Variants in ELP6 observed in about 807,000 individuals in gnomAD.
ELP6 encodes the protein elongator acetyltransferase complex subunit 6, also known as elongator complex protein 6.
In ELP6, 23 loss-of-function variants were observed where a neutral mutation model predicts 28.1. The ratio of observed to expected loss-of-function variants is 0.82; its 90% CI spans 0.59 to 1.16. The LOEUF (loss-of-function observed/expected upper bound fraction) is 1.16. Among genes scored for constraint, ELP6 ranks in the 50% most tolerant of loss-of-function variants. The pLI, the probability that ELP6 is intolerant of heterozygous loss-of-function variation, is 0.00. For synonymous variants in ELP6, 132 were observed against 135.8 expected, an observed-to-expected ratio of 0.97 and a Z score of 0.19; for missense variants, 313 against 334.6, an observed-to-expected ratio of 0.94 and a Z score of 0.50.
intron 3 of ELP6, among the ~76,000 whole-genome samples, chr3:47,508,136 G>C (rs1167689015): frequency 6.6e-6 from 1 of 152,224 alleles, no homozygotes; most frequent in East Asian, 1.9e-4. Context: ...GGGAAAGAAA[G>C]AATCTACCAT....
intron 6 of ELP6, chr3:47,497,980 C>T (rs2108071366): frequency 2.0e-6 from 2 of 985,322 alleles, no homozygotes; most frequent in Non-Finnish European, 2.4e-6. Context: ...TGCTGCAGTA[C>T]TGCGGAGGAA....
intron 1 of ELP6, chr3:47,512,931 C>T: frequency 1.0e-6 from 1 of 985,782 alleles, no homozygotes; most frequent in Non-Finnish European, 1.2e-6. Context: ...ATGCACAGCG[C>T]GCCACAGTTC....
At chr3:47,504,532 C>T (rs550505538) in intron 3 of ELP6, 84 bp from the exon 4 acceptor site, 41 of 1,454,544 alleles carry the variant, frequency 2.8e-5, no homozygotes, top group Admixed American at 2.6e-4. Context: ...GGGCATAAGA[C>T]ACCTTCCAAA....
At chr3:47,499,245 G>A (rs950954350) in intron 5 of ELP6, among the ~76,000 whole-genome samples, 1 of 152,118 alleles carries the variant, frequency 6.6e-6, no homozygotes, top group African/African-American at 2.4e-5. Flanking sequence ...GGCTGGGCAC[G>A]GTGGCTTACG....
chr3:47,497,532 T>G (rs1708513405), intron 6 of ELP6, among the ~76,000 whole-genome samples: 1 of 151,872 alleles, frequency 6.6e-6, no homozygotes, highest in Non-Finnish European at 1.5e-5. Flanking sequence ...AGATGGGATT[T>G]CACCATGTTG....
chr3:47,512,622 A>G, intron 1 of ELP6: 1 of 985,416 alleles, frequency 1.0e-6, no homozygotes, highest in Non-Finnish European at 1.2e-6. Context: ...AAAATGTGAA[A>G]GGTTTCAAGG....
In ELP6 at chr3:47,501,721, G is replaced by A; in HGVS notation, c.454C>T (p.Leu152=). The change falls in exon 5 of 7, where the codon CTG becomes TTG. Residue 152 remains leucine (L), a synonymous_variant. Transcript: ENST00000296149. The stretch of plus-strand genomic sequence containing the variant: ...AGCACAGCCACCGCCCCCATGCCCA[G>A]GCTCAGGAGCACACTGAGGTCGTCC... ...LVDDLSVLLS[L]GMGAVAVLDF... is the part of the protein sequence containing the mutation. The A allele has an allele frequency of 1.2e-6, 2 of 1,613,966 alleles. No individual in the cohort carries two copies. The highest frequency in any genetic ancestry group is 2.2e-5 in the South Asian group (2 of 91,040).
rs1309778417 is a variant in ELP6 at position 47,495,959 on chromosome 3, G to A, written c.*110C>T. The stretch of plus-strand genomic sequence containing the variant: ...ACCCTCTGGTCACAGTGGAGTCGCC[G>A]GTCCAGCCTGAAATATTACTACAGA... On this transcript the variant is annotated 3_prime_UTR_variant, in exon 7 of 7. Coordinates refer to ENST00000296149, the MANE Select transcript of ELP6 (RefSeq NM_001031703.3). 1.0e-5 allele frequency: 16 copies of A among 1,576,426 alleles called. No homozygotes were observed. The highest frequency in any genetic ancestry group is 7.4e-5 in the Admixed American group (4 of 54,402).
chr3:47,510,091 T>G (rs1468434807), intron 3 of ELP6, 93 bp downstream of exon 3: 5 of 1,070,348 alleles, frequency 4.7e-6, no homozygotes, highest in African/African-American at 1.6e-5. Flanking sequence ...TTTGCTAAGT[T>G]CTGTACAATG....
Position 47,501,735 on chromosome 3 carries a change from C to G in ELP6, c.440G>C (p.Ser147Thr), listed in dbSNP as rs1296872509. Residue 147 changes from serine (S) to threonine (T), a missense_variant, in exon 5 of 7, where the codon AGT becomes ACT. By Grantham distance (58) the Ser-to-Thr change is moderately conservative. Transcript: ENST00000296149. ...TYPVLLVDDL[S>T]VLLSLGMGAV... Reference sequence around the variant, plus strand: ...CCCCATGCCCAGGCTCAGGAGCACACTGAGGTCGTCCACCAACAGCACCGG... The same window carrying G: ...CCCCATGCCCAGGCTCAGGAGCACAGTGAGGTCGTCCACCAACAGCACCGG... 6.2e-7 allele frequency: 1 copy of G among 1,613,930 alleles called. No homozygotes were observed. Among genetic ancestry groups the G allele is most frequent in the African/African-American group, 1.3e-5 (1 of 74,880 alleles).
Position 47,513,550 on chromosome 3 carries a change from TCG to T in ELP6, c.39_40del (p.Asp14GlnfsTer12). On this transcript the variant is annotated frameshift_variant, in exon 1 of 7. Transcript: ENST00000296149. LOFTEE classifies it high-confidence loss of function. ...GGGACCTCTTACCTGCTCCGCCCTG[TCG>T]GGGGTGGTGTTAAGCAGGTTATTAA... The T allele has an allele frequency of 1.9e-6, 3 of 1,613,030 alleles. No homozygotes were observed. Among genetic ancestry groups the T allele is most frequent in the Non-Finnish European group, 2.5e-6 (3 of 1,179,544 alleles).
intron 4 of ELP6, chr3:47,502,512 A>C: frequency 1.0e-6 from 1 of 984,936 alleles, no homozygotes; most frequent in Non-Finnish European, 1.2e-6. Context: ...GCAGGCGGAA[A>C]CCTTCCCAGG....
intron 3 of ELP6, 172 bp downstream of exon 3, chr3:47,510,012 G>T: frequency 1.9e-6 from 1 of 532,774 alleles, no homozygotes; most frequent in Non-Finnish European, 3.3e-6. Flanking sequence ...TGCCCATCTT[G>T]GCCTCCCAAA....
At chr3:47,496,622 A>C (rs933734637) in intron 6 of ELP6, 1 of 647,004 alleles carries the variant, frequency 1.5e-6, no homozygotes, top group Non-Finnish European at 1.9e-6. Flanking sequence ...CAGCCTCCCA[A>C]GTAGCTGGAT....
At position 47,496,051 on chromosome 3, in the gene ELP6, A is replaced by T. The variant is rs755902115; in HGVS notation, c.*18T>A. On this transcript the variant is annotated 3_prime_UTR_variant, in exon 7 of 7. Coordinates refer to ENST00000296149, the MANE Select transcript of ELP6 (RefSeq NM_001031703.3). ...TCCAAAAACAGTCCTATGTAGCTTC[A>T]GCTGCTCCGAAATCAGGTCACAGAA... The T allele has an allele frequency of 6.2e-7, 1 of 1,614,016 alleles. No homozygotes were observed. Among genetic ancestry groups the T allele is most frequent in the Non-Finnish European group, 8.5e-7 (1 of 1,179,956 alleles).
rs184237126 is a variant in ELP6, at chr3:47,500,048, A to C, written c.525+1602T>G. ...AGGCTCTCGCACATCCATGCTTTTG[A>C]GCAGAAAACCCTCATCCCAGAGCAG... On this transcript the variant is annotated intron_variant, in intron 5 of 6. Coordinates refer to ENST00000296149, the MANE Select transcript of ELP6 (RefSeq NM_001031703.3). 3.6e-4 allele frequency: 467 copies of C among 1,280,800 alleles called. 3 individuals are homozygous for C. In the African/African-American group the frequency reaches 6.6e-3, roughly 18 times the overall value. 79.3% of individuals were successfully genotyped at this position (1,280,800 alleles called of 1,614,324 possible). A position where few individuals can be genotyped will look rare whatever the true frequency, so the allele number is the denominator to read the frequency against.
In ELP6 at chr3:47,501,772, G is replaced by A. The variant is rs745668948; in HGVS notation, c.403C>T (p.Arg135Trp). 15 of 1,609,358 alleles carry A rather than the reference G, an allele frequency of 9.3e-6. No individual in the cohort carries two copies. Among genetic ancestry groups the A allele is most frequent in the East Asian group, 4.5e-5 (2 of 44,648 alleles). ...ALKPVDSGEA[R>W]WTYPVLLVDD... ...ACCAACAGCACCGGGTACGTCCACC[G>A]AGCCTCTCCACTGTCTACTGGCTTC... is the stretch of plus-strand genomic sequence containing the variant. The change falls in exon 5 of 7, where the codon CGG (arginine) becomes TGG (tryptophan). Residue 135 changes from arginine to tryptophan, a missense_variant. Arg to Trp is a moderately radical substitution (Grantham distance 101). Transcript: ENST00000296149.
At chr3:47,505,611 G>A (rs774216094) in intron 3 of ELP6, among the ~76,000 whole-genome samples, 10 of 151,964 alleles carry the variant, frequency 6.6e-5, no homozygotes, top group Non-Finnish European at 1.5e-4. Flanking sequence ...CGCTCTTGTC[G>A]CCCAGACTGG....
chr3:47,507,860 A>G (rs1279135984), intron 3 of ELP6, among the ~76,000 whole-genome samples: 2 of 151,918 alleles, frequency 1.3e-5, no homozygotes, highest in Non-Finnish European at 2.9e-5. Flanking sequence ...TGCCACGAGT[A>G]TAGAAGCTCA....
Sources: allele counts gnomAD v4.1 joint callset (sites outside exome capture counted in the v4.1 genomes callset), GRCh38; gene constraint gnomAD v4.1.1; transcripts MANE v1.5; gene names NCBI Gene and HGNC (gene_info 2026-07-23, HGNC 2026-07-21).